SEMA3B: variants seen among roughly 807,000 people sequenced by gnomAD.
SEMA3B encodes semaphorin-3B.
Under a neutral mutation model 77.8 loss-of-function variants are expected in SEMA3B, and 71 were observed. The observed-to-expected ratio is 0.91, with a 90% CI of 0.75 to 1.11. SEMA3B has a LOEUF of 1.11. Among genes scored for constraint, SEMA3B ranks in the 50% most tolerant of loss-of-function variants. The pLI is 0.00. For missense variants in SEMA3B, 968 were observed against 1,056.8 expected, an observed-to-expected ratio of 0.92 and a Z score of 1.17; for synonymous variants, 470 against 452.9, an observed-to-expected ratio of 1.04 and a Z score of -0.48.
Position 50,274,920 on chromosome 3 carries a change from C to T in SEMA3B, c.1435C>T (p.Leu479=). 1.2e-6 allele frequency: 2 copies of T among 1,609,884 alleles called. No homozygotes were observed. The highest frequency in any genetic ancestry group is 1.7e-6 in the Non-Finnish European group (2 of 1,179,406). The change falls in exon 12 of 17, where the codon CTG becomes TTG. Residue 479 remains leucine (L), a synonymous_variant. Coordinates refer to ENST00000616701, the MANE Select transcript of SEMA3B (RefSeq NM_001290060.2). The surrounding 1 kb of genome is among the most constrained non-coding windows in gnomAD (Gnocchi z 4.7). ...CGCAGAGGGGCTGCTCCTGGAGGAG[C>T]TGCACGTGTTTGAGGTGAGGCCTCA... ...PSAEGLLLEE[L]HVFEDSAAVT... is the part of the protein sequence containing the mutation.
chr3:50,273,645 C>T lies in SEMA3B; in HGVS notation c.921C>T (p.Leu307=), dbSNP rs782700516. 4.3e-6 allele frequency: 7 copies of T among 1,610,404 alleles called. No individual in the cohort carries two copies. Among genetic ancestry groups the T allele is most frequent in the Admixed American group, 3.3e-5 (2 of 60,008 alleles). ...AGGGCGACACCCACTTCGATCAGCT[C>T]CGTGAGTGCGGGAGTGGGTATGGGG... ...GVEGDTHFDQ[L]QDVFLLSSRD... is the part of the protein sequence containing the mutation. Residue 307 remains leucine, a splice_region_variant and synonymous_variant, in exon 8 of 17, where the codon CTC becomes CTT. Coordinates refer to ENST00000616701, the MANE Select transcript of SEMA3B (RefSeq NM_001290060.2). This position sits in a 1 kb window ranked among gnomAD's most constrained non-coding sequence, Gnocchi z 6.5.
At position 50,273,038 on chromosome 3, in the gene SEMA3B, G is replaced by A; in HGVS notation, c.665-260G>A. 3 of 478,266 alleles carry A rather than the reference G, an allele frequency of 6.3e-6. No individual in the cohort carries two copies. Among genetic ancestry groups the A allele is most frequent in the Non-Finnish European group, 1.1e-5 (3 of 269,084 alleles). The allele number at this position is 478,266 out of a possible 1,614,324, so 29.6% of individuals were successfully genotyped here. On this transcript the variant is annotated intron_variant, in intron 6 of 16. Transcript: ENST00000616701. This position sits in a 1 kb window ranked among gnomAD's most constrained non-coding sequence, Gnocchi z 6.5. Reference sequence around the variant, plus strand: ...GGCGACGTGTGGGGCGAGATCGGAGGCTAGCCGGGCTTCACGCCTGCGCCC... The same window carrying A: ...GGCGACGTGTGGGGCGAGATCGGAGACTAGCCGGGCTTCACGCCTGCGCCC...
At position 50,273,728 on chromosome 3, in the gene SEMA3B, G is replaced by T. The variant is rs1428673686; in HGVS notation, c.923-31G>T. 9 of 1,604,582 alleles carry T rather than the reference G, an allele frequency of 5.6e-6. No individual in the cohort carries two copies. The African/African-American group carries it at 1.2e-4, about 21-fold the overall frequency. ...AGCCCCCGCCGCAGCGGGGCTGTGC[G>T]CCCTACCCCAGCTAGGCCCCTTCCC... On this transcript the variant is annotated intron_variant, in intron 8 of 16. Transcript: ENST00000616701. The surrounding 1 kb of genome is among the most constrained non-coding windows in gnomAD (Gnocchi z 6.5).
At chr3:50,266,897 G>A (rs1700908603), upstream of SEMA3B, 1 of 152,206 alleles carries the variant, frequency 6.6e-6, no homozygotes, top group Non-Finnish European at 1.5e-5. Context: ...CCTAGAAAGA[G>A]AAGCCAGAGG....
In SEMA3B at chr3:50,276,308, G is replaced by A. The variant is rs1701243289; in HGVS notation, c.1852G>A (p.Ala618Thr). 1 of 1,513,184 alleles carries A rather than the reference G, an allele frequency of 6.6e-7. No homozygotes were observed. The highest frequency in any genetic ancestry group is 8.8e-7 in the Non-Finnish European group (1 of 1,133,400). The allele number at this position is 1,513,184 out of a possible 1,614,324, so 93.7% of individuals were successfully genotyped here. A position where few individuals can be genotyped will look rare whatever the true frequency, so the allele number is the denominator to read the frequency against. The change falls in exon 17 of 17, where the codon GCA becomes ACA. Residue 618 changes from alanine to threonine, a missense_variant. Transcript: ENST00000616701. The surrounding 1 kb of genome is among the most constrained non-coding windows in gnomAD (Gnocchi z 5.8). ...CGCTGCCCTCTGCCCGCAGGTGCTG[G>A]CAGAGGAGCGCACCGAGCGCACCGC... ...AGVTAHTQVLAEERTERTARG... is the reference protein window; with the variant it reads ...AGVTAHTQVLTEERTERTARG...
Position 50,271,891 on chromosome 3 carries a change from G to A in SEMA3B, c.664+411G>A, listed in dbSNP as rs954495349. On this transcript the variant is annotated intron_variant, in intron 6 of 16. Transcript: ENST00000616701. ...AGGCAGAGGGAGCAACTAGTGCAAAGGCCTGGATGCAAGAACAAGCAAAGG... is the reference window on the plus strand; with the variant it reads ...AGGCAGAGGGAGCAACTAGTGCAAAAGCCTGGATGCAAGAACAAGCAAAGG... Among the ~76,000 whole-genome samples the A allele has an allele frequency of 4.6e-5, 7 of 152,292 alleles. No individual in the cohort carries two copies. In the South Asian group the frequency reaches 1.5e-3, roughly 32 times the overall value.
chr3:50,261,811 C>G, the SEMA3B span: 1 of 152,244 alleles, frequency 6.6e-6, no homozygotes, highest in Non-Finnish European at 1.5e-5. Flanking sequence ...AGTGGCAAAC[C>G]AGTTGAGTAG....
Position 50,271,266 on chromosome 3 carries a change from G to T in SEMA3B, c.544+85G>T, listed in dbSNP as rs587702984. The T allele has an allele frequency of 3.4e-5, 53 of 1,546,186 alleles. No homozygotes were observed. The African/African-American group carries it at 6.9e-4, about 20-fold the overall frequency. On this transcript the variant is annotated intron_variant, in intron 5 of 16. Coordinates refer to ENST00000616701, the MANE Select transcript of SEMA3B (RefSeq NM_001290060.2). Reference sequence around the variant, plus strand: ...TCCCAAGACCCCCAAGAGCTCCAGGGAATCCCCCATAACCTCACTCACTCC... The same window carrying T: ...TCCCAAGACCCCCAAGAGCTCCAGGTAATCCCCCATAACCTCACTCACTCC...
At position 50,275,571 on chromosome 3, in the gene SEMA3B, G is replaced by C; in HGVS notation, c.1661G>C (p.Arg554Pro). 6.2e-7 allele frequency: 1 copy of C among 1,613,678 alleles called. No individual in the cohort carries two copies. Among genetic ancestry groups the C allele is most frequent in the Non-Finnish European group, 8.5e-7 (1 of 1,179,886 alleles). Residue 554 changes from arginine to proline, a missense_variant, in exon 15 of 17, where the codon CGG (arginine) becomes CCG (proline). By Grantham distance (103) the Arg-to-Pro change is moderately radical (BLOSUM62 -2). Coordinates refer to ENST00000616701, the MANE Select transcript of SEMA3B (RefSeq NM_001290060.2). This position sits in a 1 kb window ranked among gnomAD's most constrained non-coding sequence, Gnocchi z 7.5. ...GATGTTCCCCACAGGCGGTTCCGGC[G>C]GCAAGACGTAAGGAATGGCGACCCC... Reference protein sequence around the residue: ...FQPSAKRRFRRQDVRNGDPST... With the variant: ...FQPSAKRRFRPQDVRNGDPST...
At position 50,274,413 on chromosome 3, in the gene SEMA3B, C is replaced by T; in HGVS notation, c.1188C>T (p.Asp396=). The T allele has an allele frequency of 2.0e-6, 3 of 1,507,928 alleles. No homozygotes were observed. The highest frequency in any genetic ancestry group is 2.7e-5 in the South Asian group (2 of 72,880). 93.4% of individuals were successfully genotyped at this position (1,507,928 alleles called of 1,614,324 possible). ...TCAGTTCCACCAAGGACTTCCCAGA[C>T]GATGTCATCCAGTTTGCGCGGAACC... ...GTFSSTKDFP[D]DVIQFARNHP... The change falls in exon 11 of 17, where the codon GAC becomes GAT. Residue 396 remains aspartate (D), a synonymous_variant. Transcript: ENST00000616701. This position sits in a 1 kb window ranked among gnomAD's most constrained non-coding sequence, Gnocchi z 4.7.
In SEMA3B at chr3:50,276,785, G is replaced by C; in HGVS notation, c.*79G>C. On this transcript the variant is annotated 3_prime_UTR_variant, in exon 17 of 17. Coordinates refer to ENST00000616701, the MANE Select transcript of SEMA3B (RefSeq NM_001290060.2). The surrounding 1 kb of genome is among the most constrained non-coding windows in gnomAD (Gnocchi z 5.8). ...CCAGACAGACCCTGAAAAGAAGGACGGGTTGGGGCCGGGCACATTGGGGGT... is the reference window on the plus strand; with the variant it reads ...CCAGACAGACCCTGAAAAGAAGGACCGGTTGGGGCCGGGCACATTGGGGGT... The C allele has an allele frequency of 7.1e-7, 1 of 1,399,856 alleles. No individual in the cohort carries two copies. The highest frequency in any genetic ancestry group is 9.3e-7 in the Non-Finnish European group (1 of 1,080,902). The allele number at this position is 1,399,856 out of a possible 1,614,324, so 86.7% of individuals were successfully genotyped here.
At position 50,270,495 on chromosome 3, in the gene SEMA3B, T is replaced by C. The variant is rs1225189579; in HGVS notation, c.330T>C (p.Gly110=). 1 of 1,613,092 alleles carries C rather than the reference T, an allele frequency of 6.2e-7. No homozygotes were observed. The highest frequency in any genetic ancestry group is 8.5e-7 in the Non-Finnish European group (1 of 1,179,776). The change falls in exon 3 of 17, where the codon GGT becomes GGC. Residue 110 remains glycine (G), a splice_region_variant and synonymous_variant. Coordinates refer to ENST00000616701, the MANE Select transcript of SEMA3B (RefSeq NM_001290060.2). The surrounding 1 kb of genome is among the most constrained non-coding windows in gnomAD (Gnocchi z 4.7). The stretch of plus-strand genomic sequence containing the variant: ...GCAACTGGGCAGGGAAGGACATTGG[T>C]GTGAGTGCCAGCTGCCCGGGCCGGG... The part of the protein sequence containing the change: ...EECNWAGKDI[G]TECMNFVKLL...
rs1553706241 is a variant in SEMA3B, at chr3:50,275,034, T to C, written c.1472T>C (p.Met491Thr). 1 of 1,529,058 alleles carries C rather than the reference T, an allele frequency of 6.5e-7. No individual in the cohort carries two copies. Among genetic ancestry groups the C allele is most frequent in the South Asian group, 1.1e-5 (1 of 87,658 alleles). The allele number at this position is 1,529,058 out of a possible 1,614,324, so 94.7% of individuals were successfully genotyped here. ...CAGGACTCGGCCGCTGTCACCAGCA[T>C]GCAAATTTCTTCCAAGAGGGTGAGT... ...VFEDSAAVTS[M>T]QISSKRHQLY... is the part of the protein sequence containing the mutation. The change falls in exon 13 of 17, where the codon ATG (methionine) becomes ACG (threonine). Residue 491 changes from methionine to threonine, a missense_variant. Coordinates refer to ENST00000616701, the MANE Select transcript of SEMA3B (RefSeq NM_001290060.2). This position sits in a 1 kb window ranked among gnomAD's most constrained non-coding sequence, Gnocchi z 7.5.
At chr3:50,264,647 G>A (rs982514358), upstream of SEMA3B, among the ~76,000 whole-genome samples, 3 of 152,200 alleles carry the variant, frequency 2.0e-5, no homozygotes, top group Non-Finnish European at 4.4e-5. Context: ...AGCCAGTTAG[G>A]AGAATGTAGT....
At position 50,276,525 on chromosome 3, in the gene SEMA3B, G is replaced by C. The variant is rs1553706823; in HGVS notation, c.2069G>C (p.Arg690Pro). The C allele has an allele frequency of 1.3e-6, 2 of 1,534,750 alleles. No individual in the cohort carries two copies. Among genetic ancestry groups the C allele is most frequent in the Non-Finnish European group, 8.7e-7 (1 of 1,145,384 alleles). The change falls in exon 17 of 17, where the codon CGG becomes CCG. Residue 690 changes from arginine (R) to proline (P), a missense_variant. Transcript: ENST00000616701. This position sits in a 1 kb window ranked among gnomAD's most constrained non-coding sequence, Gnocchi z 5.8. ...AAPPGPKLWY[R>P]DFLQLVEPGG... ...CCGCCGGGCCCCAAACTCTGGTACC[G>C]GGACTTTCTGCAGCTGGTGGAGCCG...
chr3:50,263,882 G>A (rs1030585405), upstream of SEMA3B, among the ~76,000 whole-genome samples: 8 of 151,914 alleles, frequency 5.3e-5, no homozygotes, highest in Non-Finnish European at 4.4e-5. Flanking sequence ...AGAACCCTGG[G>A]GTCAGAGGGT....
chr3:50,274,263 C>A lies in SEMA3B; in HGVS notation c.1138-100C>A. ...TCTAATTCTCAGGGCAGGGTTCTGT[C>A]CCCATCCCCCTCCATGTTCCCAGAG... On this transcript the variant is annotated intron_variant, in intron 10 of 16. Transcript: ENST00000616701. This position sits in a 1 kb window ranked among gnomAD's most constrained non-coding sequence, Gnocchi z 4.7. The A allele has an allele frequency of 8.2e-7, 1 of 1,226,612 alleles. No individual in the cohort carries two copies. The highest frequency in any genetic ancestry group is 1.5e-5 in the African/African-American group (1 of 65,422). 76.0% of individuals were successfully genotyped at this position (1,226,612 alleles called of 1,614,324 possible).
chr3:50,274,175 T>A lies in SEMA3B; in HGVS notation c.1137+118T>A. 4 of 1,491,702 alleles carry A rather than the reference T, an allele frequency of 2.7e-6. No individual in the cohort carries two copies. The highest frequency in any genetic ancestry group is 3.6e-6 in the Non-Finnish European group (4 of 1,102,470). 92.4% of individuals were successfully genotyped at this position (1,491,702 alleles called of 1,614,324 possible). ...TCCTTTAGTTATGGGTGGGAAAACGTTTCCATCATAAGACAAGGCTTGTTT... is the reference window on the plus strand; with the variant it reads ...TCCTTTAGTTATGGGTGGGAAAACGATTCCATCATAAGACAAGGCTTGTTT... On this transcript the variant is annotated intron_variant, in intron 10 of 16. Transcript: ENST00000616701. This position sits in a 1 kb window ranked among gnomAD's most constrained non-coding sequence, Gnocchi z 4.7.
Position 50,275,231 on chromosome 3 carries a change from G to C in SEMA3B, c.1492-71G>C. The C allele has an allele frequency of 6.1e-6, 9 of 1,468,908 alleles. No homozygotes were observed. The highest frequency in any genetic ancestry group is 8.1e-6 in the Non-Finnish European group (9 of 1,105,726). 91.0% of individuals were successfully genotyped at this position (1,468,908 alleles called of 1,614,324 possible). A position where few individuals can be genotyped will look rare whatever the true frequency, so the allele number is the denominator to read the frequency against. ...TGTTCCCATCTGTCGAGTGGAAGAA[G>C]GGATCCCTGACCGATGGGAGGCAGG... On this transcript the variant is annotated intron_variant, in intron 13 of 16. Coordinates refer to ENST00000616701, the MANE Select transcript of SEMA3B (RefSeq NM_001290060.2). The surrounding 1 kb of genome is among the most constrained non-coding windows in gnomAD (Gnocchi z 7.5).
Sources: allele counts gnomAD v4.1 joint callset (sites outside exome capture counted in the v4.1 genomes callset), GRCh38; gene constraint gnomAD v4.1.1; non-coding constraint Gnocchi (gnomAD v3.1); transcripts MANE v1.5; gene names NCBI Gene and HGNC (gene_info 2026-07-23, HGNC 2026-07-21).